IQGAP2: variants seen among roughly 807,000 people sequenced by gnomAD.
IQGAP2 encodes ras GTPase-activating-like protein IQGAP2.
A neutral mutation model predicts 201.3 loss-of-function variants in IQGAP2; 173 were observed. The ratio of observed to expected loss-of-function variants is 0.86; its 90% confidence interval spans 0.76 to 0.98. The LOEUF (loss-of-function observed/expected upper bound fraction) is 0.98, where lower values mean the gene tolerates loss of function less well. IQGAP2 is among the 50% of genes least tolerant of loss of function. The pLI is 0.00. For missense variants in IQGAP2, 1,687 were observed against 1,864.8 expected, an observed-to-expected ratio of 0.90 and a Z score of 1.76; for synonymous variants, 675 against 673.9, an observed-to-expected ratio of 1.00 and a Z score of -0.03.
At chr5:76,628,608 C>A in intron 14 of IQGAP2, 1 of 403,110 alleles carries the variant, frequency 2.5e-6, no homozygotes, top group South Asian at 1.8e-5. Context: ...AACCTGCCAA[C>A]TGATGGCATA....
In IQGAP2 at chr5:76,600,936, T is replaced by C. The variant is rs762408122; in HGVS notation, c.1196T>C (p.Ile399Thr). The change falls in exon 11 of 36, where the codon ATA (isoleucine) becomes ACA (threonine). Residue 399 changes from isoleucine (I) to threonine (T), a missense_variant. Ile to Thr is a moderately conservative substitution (Grantham distance 89). Coordinates refer to ENST00000274364, the MANE Select transcript of IQGAP2 (RefSeq NM_006633.5). The stretch of plus-strand genomic sequence containing the variant: ...CAGAATCAACTCAGAAGCCCCGCAA[T>C]AGGCTTAAACAATCTGGACAAGGCA... Reference protein sequence around the residue: ...SVQNQLRSPAIGLNNLDKAYV... With the variant: ...SVQNQLRSPATGLNNLDKAYV... 2.0e-5 allele frequency: 33 copies of C among 1,614,002 alleles called. No individual in the cohort carries two copies. The highest frequency in any genetic ancestry group is 3.3e-4 in the Middle Eastern group (2 of 6,084).
intron 2 of IQGAP2, among the ~76,000 whole-genome samples, chr5:76,538,717 A>G (rs1759765645): frequency 6.6e-6 from 1 of 152,088 alleles, no homozygotes; most frequent in Admixed American, 6.5e-5. Flanking sequence ...TGAATGGTGG[A>G]TTGGGCATCT....
chr5:76,666,676 A>G (rs1436351286), intron 22 of IQGAP2, among the ~76,000 whole-genome samples: 1 of 152,236 alleles, frequency 6.6e-6, no homozygotes, highest in Non-Finnish European at 1.5e-5. Flanking sequence ...CGTTAGCCCA[A>G]TATCACTAAA....
intron 20 of IQGAP2, among the ~76,000 whole-genome samples, chr5:76,656,187 G>T (rs796379707): frequency 1.9e-4 from 29 of 150,466 alleles, no homozygotes; most frequent in African/African-American, 3.5e-4. Flanking sequence ...TGTTTTTGGG[G>T]TTTTTTGTTG....
intron 30 of IQGAP2, among the ~76,000 whole-genome samples, chr5:76,692,093 T>C (rs753734051): frequency 5.9e-5 from 9 of 152,232 alleles, no homozygotes; most frequent in Non-Finnish European, 1.2e-4. Context: ...GTATGTATAA[T>C]TTAAACAAAC....
At chr5:76,686,864 C>A (rs1039262601) in intron 30 of IQGAP2, among the ~76,000 whole-genome samples, 1 of 152,206 alleles carries the variant, frequency 6.6e-6, no homozygotes, top group African/African-American at 2.4e-5. Context: ...ATTAGTTAAA[C>A]AGACTATTCT....
chr5:76,637,040 G>T lies in IQGAP2; in HGVS notation c.1787G>T (p.Ser596Ile), dbSNP rs758904997. ...AACAAACTTTTTTCTTTAGTGTCTA[G>T]TGACGGTTCATGGCTCAAACTCAAC... is the stretch of plus-strand genomic sequence containing the variant. ...AKELKSERVS[S>I]DGSWLKLNLH... The change falls in exon 16 of 36, where the codon AGT becomes ATT. Residue 596 changes from serine to isoleucine, a missense_variant. Transcript: ENST00000274364. 2.1e-5 allele frequency: 33 copies of T among 1,606,168 alleles called. No homozygotes were observed. Among genetic ancestry groups the T allele is most frequent in the Non-Finnish European group, 2.8e-5 (33 of 1,176,264 alleles).
chr5:76,635,768 G>A (rs894743336), intron 15 of IQGAP2, among the ~76,000 whole-genome samples: 1 of 127,328 alleles, frequency 7.9e-6, no homozygotes, highest in Non-Finnish European at 1.7e-5. Context: ...GGTTGAGGCT[G>A]CAGTGAGCCT....
intron 2 of IQGAP2, among the ~76,000 whole-genome samples, chr5:76,497,176 T>C (rs866007716): frequency 2.6e-5 from 4 of 152,340 alleles, no homozygotes; most frequent in South Asian, 2.1e-4. Flanking sequence ...TATTGGCTTA[T>C]ATTTTAATAA....
chr5:76,573,758 T>C (rs1409672940), intron 4 of IQGAP2, among the ~76,000 whole-genome samples: 1 of 151,702 alleles, frequency 6.6e-6, no homozygotes, highest in Non-Finnish European at 1.5e-5. Flanking sequence ...ACTATAGGTG[T>C]GCTCCACCAT....
chr5:76,683,092 T>A (rs1745443551), intron 28 of IQGAP2, 23 bp from the exon 29 acceptor site: 1 of 1,440,900 alleles, frequency 6.9e-7, no homozygotes, highest in Non-Finnish European at 9.7e-7. Context: ...TTTCTTTGTG[T>A]GTGTGTTGCT....
intron 1 of IQGAP2, among the ~76,000 whole-genome samples, chr5:76,435,880 T>A (rs569565622): frequency 1.3e-5 from 2 of 152,358 alleles, no homozygotes; most frequent in East Asian, 3.9e-4. Context: ...TTTGTAGTTT[T>A]CCTTGTAGTG....
chr5:76,582,429 C>T (rs1301687173), intron 5 of IQGAP2, among the ~76,000 whole-genome samples: 1 of 152,198 alleles, frequency 6.6e-6, no homozygotes, highest in African/African-American at 2.4e-5. Context: ...GTGACTTGCT[C>T]TTAGTCACAC....
intron 5 of IQGAP2, among the ~76,000 whole-genome samples, chr5:76,586,253 G>C (rs948101892): frequency 6.6e-6 from 1 of 151,794 alleles, no homozygotes; most frequent in Non-Finnish European, 1.5e-5. Flanking sequence ...TCACTTTGAA[G>C]AATGTTCAAA....
At chr5:76,678,160 G>C (rs1744989468) in intron 28 of IQGAP2, among the ~76,000 whole-genome samples, 2 of 152,050 alleles carry the variant, frequency 1.3e-5, no homozygotes, top group South Asian at 4.1e-4. Context: ...TAATAAACAG[G>C]CTACGCAACG....
intron 2 of IQGAP2, among the ~76,000 whole-genome samples, chr5:76,471,182 G>C (rs184029066): frequency 1.3e-5 from 2 of 152,160 alleles, no homozygotes; most frequent in African/African-American, 4.8e-5. Flanking sequence ...GGGAATCTTG[G>C]CAAGGAATGG....
intron 1 of IQGAP2, among the ~76,000 whole-genome samples, chr5:76,454,953 T>TA: frequency 6.6e-6 from 1 of 152,194 alleles, no homozygotes; most frequent in Non-Finnish European, 1.5e-5. Context: ...CTTCAGCACC[T>TA]GTTGTTTCCT....
chr5:76,607,904 C>T (rs1296899257), intron 12 of IQGAP2: 2 of 152,242 alleles, frequency 1.3e-5, no homozygotes, highest in South Asian at 2.1e-4. Flanking sequence ...AACTTTTTCC[C>T]CAATTCTTGG....
intron 2 of IQGAP2, among the ~76,000 whole-genome samples, chr5:76,512,783 G>A (rs958757347): frequency 1.3e-5 from 2 of 152,224 alleles, no homozygotes; most frequent in Non-Finnish European, 2.9e-5. Context: ...GGGGCTGGGC[G>A]CGGTGGCTCA....
Sources: allele counts gnomAD v4.1 joint callset (sites outside exome capture counted in the v4.1 genomes callset), GRCh38; gene constraint gnomAD v4.1.1; transcripts MANE v1.5; gene names NCBI Gene and HGNC (gene_info 2026-07-23, HGNC 2026-07-21).